RNF123: variants seen among roughly 807,000 people sequenced by gnomAD.
The protein encoded by RNF123 is E3 ubiquitin-protein ligase RNF123.
In RNF123, 86 loss-of-function variants were observed where a neutral mutation model predicts 168.5. That is an observed-to-expected ratio of 0.51 (90% CI 0.43 to 0.61). The LOEUF (loss-of-function observed/expected upper bound fraction) is 0.61, where lower values mean the gene tolerates loss of function less well. RNF123 is among the 20% of genes least tolerant of loss of function. The pLI, the probability that RNF123 is intolerant of heterozygous loss-of-function variation, is 0.00. For missense variants in RNF123, 1,419 were observed against 1,729.7 expected (o/e 0.82, Z 3.19); for synonymous variants, 666 against 689.1 (o/e 0.97, Z 0.52).
chr3:49,701,721 C>G (rs950677756), intron 16 of RNF123, 90 bp from the exon 17 acceptor site: 2 of 1,465,074 alleles, frequency 1.4e-6, no homozygotes, highest in African/African-American at 2.8e-5. Context: ...TCCCTGAAGC[C>G]CTGGAGATGG....
chr3:49,720,320 A>G, intron 35 of RNF123, 191 bp from the exon 36 acceptor site: 1 of 453,122 alleles, frequency 2.2e-6, no homozygotes, highest in Non-Finnish European at 3.6e-6. Flanking sequence ...GTCTCAAGAA[A>G]AAAAAAAAAA....
rs1202563105 is a variant in RNF123, at chr3:49,713,569, G to A, written c.2731G>A (p.Ala911Thr). The A allele has an allele frequency of 6.8e-6, 11 of 1,612,476 alleles. No homozygotes were observed. Among genetic ancestry groups the A allele is most frequent in the Admixed American group, 1.7e-5 (1 of 59,794 alleles). The change falls in exon 28 of 39, where the codon GCA (alanine) becomes ACA (threonine). Residue 911 changes from alanine to threonine, a missense_variant. By Grantham distance (58) the Ala-to-Thr change is moderately conservative. This residue lies in a region of RNF123 where 538 missense variants were observed against 708.8 expected (regional missense o/e 0.76). Coordinates refer to ENST00000327697, the MANE Select transcript of RNF123 (RefSeq NM_022064.5). Reference protein sequence around the residue: ...AAILAKHFADARIVGTDIRDS... With the variant: ...AAILAKHFADTRIVGTDIRDS... ...CATTCTCGCCAAACACTTTGCCGAC[G>A]CACGCATTGTGGGCACTGGTGAGGG...
intron 32 of RNF123, 25 bp downstream of exon 32, chr3:49,715,739 G>T: frequency 6.2e-7 from 1 of 1,614,230 alleles, no homozygotes. Flanking sequence ...GGCCTCGTGG[G>T]TTAGGGTGGT....
In RNF123 at chr3:49,691,510, G is replaced by A. The variant is rs1194039144; in HGVS notation, c.167+1G>A. 6.2e-7 allele frequency: 1 copy of A among 1,613,392 alleles called. No homozygotes were observed. Among genetic ancestry groups the A allele is most frequent in the African/African-American group, 1.3e-5 (1 of 74,932 alleles). On this transcript the variant is annotated splice_donor_variant, in intron 3 of 38. Coordinates refer to ENST00000327697, the MANE Select transcript of RNF123 (RefSeq NM_022064.5). LOFTEE classifies it high-confidence loss of function. ...ATGCACCCCCAGCAGCCACCAGCAG[G>A]TATGGCTGGGTGGGTGGCCCCTCCT...
rs1185919197 is a variant in RNF123, at chr3:49,715,882, T to C, written c.3211T>C (p.Cys1071Arg). 2.5e-6 allele frequency: 4 copies of C among 1,613,992 alleles called. No individual in the cohort carries two copies. Among genetic ancestry groups the C allele is most frequent in the East Asian group, 2.2e-5 (1 of 44,898 alleles). ...TGTGGACAGCCGGCAGCTCAAGGTA[T>C]GTGCCACCTGCTTTGACCTCTCGGT... ...NFVDSRQLKV[C>R]ATCFDLSVSL... The change falls in exon 33 of 39, where the codon TGT becomes CGT. Residue 1071 changes from cysteine to arginine, a missense_variant. Physicochemically the swap from Cys to Arg is radical, Grantham distance 180. Coordinates refer to ENST00000327697, the MANE Select transcript of RNF123 (RefSeq NM_022064.5).
chr3:49,706,139 G>T, intron 25 of RNF123, 74 bp downstream of exon 25: 1 of 1,382,638 alleles, frequency 7.2e-7, no homozygotes, highest in Non-Finnish European at 1.0e-6. Flanking sequence ...GTCTGGTTCT[G>T]GGGGCTGCCC....
At chr3:49,692,128 C>G (rs542630161) in intron 3 of RNF123, among the ~76,000 whole-genome samples, 3 of 152,178 alleles carry the variant, frequency 2.0e-5, no homozygotes, top group Admixed American at 6.5e-5. Context: ...ACCTGTAGTC[C>G]CAGCTGTTAG....
chr3:49,698,171 C>T, intron 7 of RNF123, 34 bp downstream of exon 7: 1 of 1,576,012 alleles, frequency 6.3e-7, no homozygotes, highest in South Asian at 1.1e-5. Context: ...TCCCTGGGCC[C>T]AGGGAGAGCT....
At chr3:49,717,810 A>C (rs1011972178) in intron 35 of RNF123, 2 of 887,236 alleles carry the variant, frequency 2.3e-6, no homozygotes, top group Non-Finnish European at 3.4e-6. Context: ...GAGAAGGCCC[A>C]TTGTGTTTCG....
chr3:49,707,788 T>G (rs990606211), intron 26 of RNF123, among the ~76,000 whole-genome samples: 3 of 152,068 alleles, frequency 2.0e-5, no homozygotes, highest in Admixed American at 1.3e-4. Context: ...TGACCGTGCT[T>G]ACTGCCCCAT....
In RNF123 at chr3:49,702,618, G is replaced by T. The variant is rs1290952605; in HGVS notation, c.1630-15G>T. ...GGACTGGCACCAATGCATGTTTCAT[G>T]CCTGGTGTCCACAGAACATGCCCAT... On this transcript the variant is annotated splice_polypyrimidine_tract_variant and intron_variant, in intron 19 of 38. Transcript: ENST00000327697. 6.2e-7 allele frequency: 1 copy of T among 1,614,124 alleles called. No homozygotes were observed. Among genetic ancestry groups the T allele is most frequent in the African/African-American group, 1.3e-5 (1 of 74,942 alleles).
In RNF123 at chr3:49,699,263, G is replaced by A. The variant is rs2054327845; in HGVS notation, c.764+158G>A. On this transcript the variant is annotated intron_variant, in intron 10 of 38. Transcript: ENST00000327697. This position sits in a 1 kb window ranked among gnomAD's most constrained non-coding sequence, Gnocchi z 4.8. ...TAGAGTGTCGAAGAAAACTTTCCTCGCAGCAGCCTGGTTGGTTGGGTGCCC... is the reference window on the plus strand; with the variant it reads ...TAGAGTGTCGAAGAAAACTTTCCTCACAGCAGCCTGGTTGGTTGGGTGCCC... 6.6e-6 allele frequency among the ~76,000 whole-genome samples: 1 copy of A among 152,074 alleles called. No individual in the cohort carries two copies. Among genetic ancestry groups the A allele is most frequent in the South Asian group, 2.1e-4 (1 of 4,832 alleles).
At chr3:49,711,813 C>T (rs2080149063) in intron 26 of RNF123, among the ~76,000 whole-genome samples, 1 of 152,100 alleles carries the variant, frequency 6.6e-6, no homozygotes, top group African/African-American at 2.4e-5. Flanking sequence ...GACCTCTGTT[C>T]CACCAGTCAC....
chr3:49,711,197 G>T (rs184741595), intron 26 of RNF123, among the ~76,000 whole-genome samples: 1 of 152,316 alleles, frequency 6.6e-6, no homozygotes, highest in Admixed American at 6.5e-5. Context: ...TTAGCAGGGC[G>T]TGGTATCACA....
chr3:49,702,569 T>C, intron 19 of RNF123, 64 bp from the exon 20 acceptor site: 2 of 1,613,238 alleles, frequency 1.2e-6, no homozygotes, highest in Non-Finnish European at 1.7e-6. Context: ...GGCAGGGCCT[T>C]GGATGAGGAA....
intron 22 of RNF123, 53 bp from the exon 23 acceptor site, chr3:49,704,931 G>A: frequency 3.9e-6 from 6 of 1,530,060 alleles, no homozygotes; most frequent in Non-Finnish European, 5.3e-6. Context: ...CAGCCCCGTG[G>A]GCCAAGGGAA....
At chr3:49,705,513 C>T (rs772107866) in intron 23 of RNF123, 21 bp from the exon 24 acceptor site, 1 of 1,570,240 alleles carries the variant, frequency 6.4e-7, no homozygotes, top group South Asian at 1.2e-5. Context: ...ACCCTTGACC[C>T]TTCCCTCCCC....
intron 20 of RNF123, 83 bp downstream of exon 20, chr3:49,702,836 A>C (rs887172300): frequency 6.3e-7 from 1 of 1,587,144 alleles, no homozygotes; most frequent in Middle Eastern, 1.7e-4. Context: ...CAGAGTGCTG[A>C]GCTGAGGCTG....
Position 49,714,085 on chromosome 3 carries a change from C to T in RNF123, c.2926-5C>T. 1.2e-6 allele frequency: 2 copies of T among 1,614,078 alleles called. No individual in the cohort carries two copies. Among genetic ancestry groups the T allele is most frequent in the Non-Finnish European group, 1.7e-6 (2 of 1,180,024 alleles). The stretch of plus-strand genomic sequence containing the variant: ...TGACCTGGGCACTGACCCCCACCTC[C>T]ACAGGGCTGTGGCTTCGGGTACCGC... On this transcript the variant is annotated splice_polypyrimidine_tract_variant and splice_region_variant and intron_variant, in intron 30 of 38. Transcript: ENST00000327697.
Sources: allele counts gnomAD v4.1 joint callset (sites outside exome capture counted in the v4.1 genomes callset), GRCh38; gene constraint gnomAD v4.1.1; regional missense constraint gnomAD v4.1.1; non-coding constraint Gnocchi (gnomAD v3.1); transcripts MANE v1.5; gene names NCBI Gene and HGNC (gene_info 2026-07-23, HGNC 2026-07-21).